Variants in LPA observed in about 807,000 individuals in gnomAD.
LPA encodes lipoprotein(a).
In LPA, 199 loss-of-function variants were observed where a neutral mutation model predicts 197.9. The ratio of observed to expected loss-of-function variants is 1.01; its 90% CI spans 0.90 to 1.13. The LOEUF is 1.13. LPA is among the 50% of genes most tolerant of loss of function. The pLI is 0.00. For synonymous variants in LPA, 715 were observed against 639.5 expected (o/e 1.12, Z -1.78); for missense variants, 1,853 against 1,785.8 (o/e 1.04, Z -0.68).
chr6:160,598,074 T>C (rs1779166708), intron 20 of LPA, among the ~76,000 whole-genome samples: 2 of 152,214 alleles, frequency 1.3e-5, no homozygotes, highest in Admixed American at 1.3e-4. Context: ...AGGTCTCTAC[T>C]GAATGCCCAA....
chr6:160,596,847 T>C (rs1362123256), intron 20 of LPA, among the ~76,000 whole-genome samples: 1 of 152,210 alleles, frequency 6.6e-6, no homozygotes, highest in African/African-American at 2.4e-5. Context: ...CCTAAAGACA[T>C]TCACTGCATC....
At chr6:160,650,910 A>G (rs1779993847) in intron 1 of LPA, among the ~76,000 whole-genome samples, 1 of 152,168 alleles carries the variant, frequency 6.6e-6, no homozygotes, top group African/African-American at 2.4e-5. Context: ...TCCCTAGACC[A>G]CTGCTCAGAA....
chr6:160,590,319 C>T (rs1031793021), intron 23 of LPA, among the ~76,000 whole-genome samples: 3 of 152,174 alleles, frequency 2.0e-5, no homozygotes, highest in Non-Finnish European at 2.9e-5. Context: ...TACTCTTCTT[C>T]ACAAACAGCA....
chr6:160,652,878 C>T (rs1462175626), intron 1 of LPA, among the ~76,000 whole-genome samples: 4 of 152,016 alleles, frequency 2.6e-5, no homozygotes, highest in African/African-American at 9.7e-5. Flanking sequence ...ATATTATAAA[C>T]ATTGTGGAAA....
intron 24 of LPA, 24 bp downstream of exon 24, chr6:160,589,529 T>C (rs1019907071): frequency 6.2e-7 from 1 of 1,612,110 alleles, no homozygotes; most frequent in Non-Finnish European, 8.5e-7. Context: ...GCTGTTTCTC[T>C]TGGGAGAAAA....
chr6:160,589,030 T>C (rs1778971289), intron 24 of LPA, among the ~76,000 whole-genome samples: 1 of 152,238 alleles, frequency 6.6e-6, no homozygotes, highest in Non-Finnish European at 1.5e-5. Flanking sequence ...TTCCTCCTTT[T>C]GCCCCTCATG....
At chr6:160,635,595 G>A (rs1366391249) in intron 6 of LPA, among the ~76,000 whole-genome samples, 4 of 124,766 alleles carry the variant, frequency 3.2e-5, no homozygotes, top group African/African-American at 1.3e-4. Context: ...AACGATCAGA[G>A]TATTCTCCTT....
chr6:160,608,024 C>A (rs1779395585), intron 16 of LPA, among the ~76,000 whole-genome samples: 1 of 152,132 alleles, frequency 6.6e-6, no homozygotes, highest in Non-Finnish European at 1.5e-5. Context: ...GCTACTTGTT[C>A]AAATTCTTAC....
chr6:160,586,551 A>G lies in LPA; in HGVS notation c.4027T>C (p.Trp1343Arg). The change falls in exon 25 of 39, where the codon TGG becomes CGG. Residue 1343 changes from tryptophan (W) to arginine (R), a missense_variant. Transcript: ENST00000316300. ...CATTGCGTCAGGTTGCAGTACTCCC[A>G]TCTGACACTGGGATCCATGGTATAA... Reference protein sequence around the residue: ...WCYTMDPSVRWEYCNLTQCPV... With the variant: ...WCYTMDPSVRREYCNLTQCPV... 6.2e-7 allele frequency: 1 copy of G among 1,613,808 alleles called. No homozygotes were observed. The highest frequency in any genetic ancestry group is 8.5e-7 in the Non-Finnish European group (1 of 1,179,784).
intron 30 of LPA, among the ~76,000 whole-genome samples, chr6:160,551,459 A>G (rs750872876): frequency 3.5e-4 from 53 of 152,230 alleles, no homozygotes; most frequent in Admixed American, 3.9e-4. Flanking sequence ...ATATGGACAG[A>G]GAGCATTTTT....
Position 160,556,040 on chromosome 6 carries a change from T to A in LPA, c.4958A>T (p.Glu1653Val). The change falls in exon 30 of 39, where the codon GAA (glutamate) becomes GTA (valine). Residue 1653 changes from glutamate (E) to valine (V), a missense_variant. This residue lies in a region of LPA where 1,737 missense variants were observed against 1,504.4 expected (regional missense o/e 1.15). Coordinates refer to ENST00000316300, the MANE Select transcript of LPA (RefSeq NM_005577.4). Reference protein sequence around the residue: ...MTPHRHQRTPENYPNDGLTMN... With the variant: ...MTPHRHQRTPVNYPNDGLTMN... The stretch of plus-strand genomic sequence containing the variant: ...AAAGACATACTCATTTGGGTAGTTT[T>A]CTGGGGTCCTCTGATGCCGGTGTGG... 1 of 1,611,162 alleles carries A rather than the reference T, an allele frequency of 6.2e-7. No homozygotes were observed. Among genetic ancestry groups the A allele is most frequent in the Middle Eastern group, 1.7e-4 (1 of 5,986 alleles).
chr6:160,621,011 AC>A, intron 12 of LPA, among the ~76,000 whole-genome samples: 1 of 103,030 alleles, frequency 9.7e-6, no homozygotes, highest in South Asian at 3.1e-4. Flanking sequence ...AGCCGGCCAT[AC>A]AGTAATTTTT....
intron 28 of LPA, among the ~76,000 whole-genome samples, chr6:160,575,783 G>A (rs1032440493): frequency 1.3e-5 from 2 of 152,114 alleles, no homozygotes; most frequent in Non-Finnish European, 2.9e-5. Flanking sequence ...CCCAGTAGCT[G>A]TTCTTTGTCC....
At chr6:160,598,573 T>A (rs1779175359) in intron 20 of LPA, among the ~76,000 whole-genome samples, 1 of 152,224 alleles carries the variant, frequency 6.6e-6, no homozygotes, top group Non-Finnish European at 1.5e-5. Flanking sequence ...TCTTTGGTAG[T>A]CACTTATGGC....
chr6:160,548,381 G>A (rs1778109672), intron 31 of LPA, 97 bp downstream of exon 31: 2 of 1,274,954 alleles, frequency 1.6e-6, no homozygotes, highest in Non-Finnish European at 1.1e-6. Context: ...TAGCACTAAA[G>A]GCTTCTGCAT....
Position 160,541,170 on chromosome 6 carries a change from T to C in LPA, c.5531A>G (p.His1844Arg). ...GGATATTAAGGTGCCTCCACAGAAG[T>C]GCTTTCCAAACCTAGAAAGAAAACA... ...QVSLRTRFGK[H>R]FCGGTLISPE... The change falls in exon 35 of 39, where the codon CAC (histidine) becomes CGC (arginine). Residue 1844 changes from histidine to arginine, a missense_variant. By Grantham distance (29) the His-to-Arg change is conservative. Coordinates refer to ENST00000316300, the MANE Select transcript of LPA (RefSeq NM_005577.4). The C allele has an allele frequency of 1.9e-6, 3 of 1,613,652 alleles. No homozygotes were observed. The highest frequency in any genetic ancestry group is 2.5e-6 in the Non-Finnish European group (3 of 1,179,500).
At chr6:160,539,441 G>A (rs1432051673) in intron 36 of LPA, among the ~76,000 whole-genome samples, 1 of 147,186 alleles carries the variant, frequency 6.8e-6, no homozygotes, top group East Asian at 1.9e-4. Flanking sequence ...TGTATGTTGT[G>A]TGGGTTTTTT....
intron 28 of LPA, among the ~76,000 whole-genome samples, chr6:160,561,207 A>G (rs1421859229): frequency 6.6e-6 from 1 of 152,194 alleles, no homozygotes; most frequent in Non-Finnish European, 1.5e-5. Flanking sequence ...TAGGTCTTAC[A>G]TTTAATTCTT....
intron 30 of LPA, among the ~76,000 whole-genome samples, chr6:160,549,517 A>G (rs1274821932): frequency 3.9e-5 from 6 of 152,222 alleles, no homozygotes; most frequent in South Asian, 2.1e-4. Flanking sequence ...TTCTCCAAGG[A>G]GGAAATGCCA....
Sources: allele counts gnomAD v4.1 joint callset (sites outside exome capture counted in the v4.1 genomes callset), GRCh38; gene constraint gnomAD v4.1.1; regional missense constraint gnomAD v4.1.1; transcripts MANE v1.5; gene names NCBI Gene and HGNC (gene_info 2026-07-23, HGNC 2026-07-21).